The following AGBL4 variants were observed in gnomAD, a reference collection of about 807,000 sequenced individuals.
AGBL4 encodes the protein AGBL carboxypeptidase 4.
AGBL4 carries 58 observed loss-of-function variants against 66.4 expected under a neutral mutation model. The observed-to-expected ratio is 0.87, with a 90% CI of 0.71 to 1.09. The LOEUF (loss-of-function observed/expected upper bound fraction) is 1.09, where lower values mean the gene tolerates loss of function less well. Among genes scored for constraint, AGBL4 ranks in the 50% least tolerant of loss-of-function variants. The pLI is 0.00. For missense variants in AGBL4, 579 were observed against 631.0 expected (o/e 0.92, Z 0.88); for synonymous variants, 234 against 222.9 (o/e 1.05, Z -0.44).
chr1:49,133,249 G>A (rs1645938236), intron 4 of AGBL4, among the ~76,000 whole-genome samples: 1 of 152,124 alleles, frequency 6.6e-6, no homozygotes, highest in Non-Finnish European at 1.5e-5. Flanking sequence ...GGGTTGTGGG[G>A]CTAGGGGAGG....
chr1:49,008,888 G>A (rs1662109980), intron 5 of AGBL4, among the ~76,000 whole-genome samples: 1 of 151,768 alleles, frequency 6.6e-6, no homozygotes, highest in East Asian at 1.9e-4. Flanking sequence ...GTGTGTAGAG[G>A]GAAATTTATA....
chr1:48,776,596 G>A, intron 6 of AGBL4: 4 of 1,149,632 alleles, frequency 3.5e-6, no homozygotes, highest in South Asian at 3.2e-5. Context: ...CTCCCCGCCC[G>A]CTTGCTCACC....
At chr1:49,942,642 G>A (rs1245353954) in intron 1 of AGBL4, among the ~76,000 whole-genome samples, 1 of 152,102 alleles carries the variant, frequency 6.6e-6, no homozygotes, top group Non-Finnish European at 1.5e-5. Flanking sequence ...GCAAAAGAAT[G>A]AAATTGTATC....
chr1:48,992,942 C>A (rs969410891), intron 5 of AGBL4, among the ~76,000 whole-genome samples: 2 of 152,074 alleles, frequency 1.3e-5, no homozygotes, highest in African/African-American at 2.4e-5. Context: ...GCCTGGAATT[C>A]GGGACTACAA....
chr1:49,196,792 G>A (rs1570027233), intron 4 of AGBL4, among the ~76,000 whole-genome samples: 5 of 151,802 alleles, frequency 3.3e-5, no homozygotes, highest in Admixed American at 3.3e-4. Flanking sequence ...GTTTGTTTTT[G>A]TTGTTTTTGA....
chr1:49,678,962 G>T (rs997405320), intron 3 of AGBL4, among the ~76,000 whole-genome samples: 6 of 151,984 alleles, frequency 3.9e-5, no homozygotes, highest in Admixed American at 3.9e-4. Context: ...AATGTCCCAG[G>T]ATATGGTATA....
intron 6 of AGBL4, among the ~76,000 whole-genome samples, chr1:48,832,734 C>T (rs1422116522): frequency 6.6e-6 from 1 of 152,116 alleles, no homozygotes; most frequent in Non-Finnish European, 1.5e-5. Context: ...AGTAGATTGT[C>T]CTCTCTGGTG....
intron 3 of AGBL4, among the ~76,000 whole-genome samples, chr1:49,504,207 C>T (rs1030985357): frequency 3.3e-5 from 5 of 152,052 alleles, no homozygotes; most frequent in Admixed American, 6.6e-5. Flanking sequence ...TCCTTTCACC[C>T]TATGTAGAAG....
intron 3 of AGBL4, among the ~76,000 whole-genome samples, chr1:49,325,336 T>A (rs1046972763): frequency 6.6e-6 from 1 of 152,216 alleles, no homozygotes; most frequent in African/African-American, 2.4e-5. Flanking sequence ...CAAAAATCTT[T>A]AGTGGCAGCC....
intron 6 of AGBL4, among the ~76,000 whole-genome samples, chr1:48,782,715 C>T (rs1645325326): frequency 6.6e-6 from 1 of 152,206 alleles, no homozygotes; most frequent in South Asian, 2.1e-4. Flanking sequence ...TTAATACCAA[C>T]ATCCCCCACC....
At chr1:49,480,338 GT>G (rs1368737874) in intron 3 of AGBL4, among the ~76,000 whole-genome samples, 1 of 151,908 alleles carries the variant, frequency 6.6e-6, no homozygotes, top group African/African-American at 2.4e-5. Flanking sequence ...TCTGACTGGT[GT>G]TAGATGGTAT....
chr1:49,826,631 G>T (rs1557485599), intron 2 of AGBL4, among the ~76,000 whole-genome samples: 1 of 152,186 alleles, frequency 6.6e-6, no homozygotes, highest in Non-Finnish European at 1.5e-5. Context: ...CAAGACTACA[G>T]AAAATTGTTT....
chr1:49,626,681 T>C (rs532668282), intron 3 of AGBL4, among the ~76,000 whole-genome samples: 1 of 152,130 alleles, frequency 6.6e-6, no homozygotes, highest in South Asian at 2.1e-4. Context: ...AGCATTATTC[T>C]GTATTTCTCA....
chr1:49,901,955 A>G (rs1043273972), intron 1 of AGBL4, among the ~76,000 whole-genome samples: 10 of 152,230 alleles, frequency 6.6e-5, no homozygotes, highest in Non-Finnish European at 1.3e-4. Flanking sequence ...TCCCTTTTCA[A>G]TAAGTGGTGC....
At chr1:49,697,168 C>T (rs6689057) in intron 3 of AGBL4, 145 bp downstream of exon 3, 548,455 of 853,766 alleles carry the variant, frequency 0.64, 180,018 homozygotes, top group Middle Eastern at 0.69. Flanking sequence ...TATTTCTCTG[C>T]ATCTCTTGAA....
intron 2 of AGBL4, chr1:49,845,065 G>T (rs1646101629): frequency 8.9e-6 from 13 of 1,454,884 alleles, no homozygotes; most frequent in Non-Finnish European, 1.1e-5. Context: ...CTATGTAAAA[G>T]AGAAACCCTA....
chr1:50,003,759 G>GTTAA (rs1205072481), intron 1 of AGBL4, among the ~76,000 whole-genome samples: 2 of 152,102 alleles, frequency 1.3e-5, no homozygotes, highest in Non-Finnish European at 2.9e-5. Context: ...ACTGGAGCAA[G>GTTAA]GAAAGGGTAG....
chr1:49,259,149 G>A (rs1230013970), intron 3 of AGBL4, among the ~76,000 whole-genome samples: 1 of 152,108 alleles, frequency 6.6e-6, no homozygotes, highest in Non-Finnish European at 1.5e-5. Flanking sequence ...AAGAGCTCCT[G>A]AAGGAAGCAC....
intron 3 of AGBL4, among the ~76,000 whole-genome samples, chr1:49,289,911 A>G (rs1644501961): frequency 6.6e-6 from 1 of 152,058 alleles, no homozygotes; most frequent in Non-Finnish European, 1.5e-5. Flanking sequence ...ATACCAAAAG[A>G]TTTTCTTTAA....
Sources: gnomAD v4.1 joint callset for allele counts (sites outside exome capture counted in the v4.1 genomes callset) on GRCh38, gnomAD v4.1.1 for gene constraint, MANE v1.5 for transcripts, NCBI Gene and HGNC (gene_info 2026-07-23, HGNC 2026-07-21) for gene names.